NUTF2: variants seen among roughly 807,000 people sequenced by gnomAD.
The protein encoded by NUTF2 is placental protein 15.
In NUTF2, 3 loss-of-function variants were observed where a neutral mutation model predicts 18.5. That is an observed-to-expected ratio of 0.16 (90% CI 0.07 to 0.42). The LOEUF (loss-of-function observed/expected upper bound fraction) is 0.42. Ranked by LOEUF, NUTF2 falls within the 10% of genes least tolerant of loss-of-function variation. The probability of loss-of-function intolerance (pLI) is 0.99; values close to 1 mark genes in which losing one functional copy is unlikely to be tolerated. For missense variants in NUTF2, 44 were observed against 160.7 expected (o/e 0.27, Z 3.93); for synonymous variants, 51 against 57.9 (o/e 0.88, Z 0.54).
At chr16:67,855,152 T>G (rs1413024315) in intron 1 of NUTF2, among the ~76,000 whole-genome samples, 2 of 152,210 alleles carry the variant, frequency 1.3e-5, no homozygotes, top group Non-Finnish European at 2.9e-5. Context: ...TGGCAGGAAT[T>G]CTTGAGTCCC....
chr16:67,855,582 G>C (rs1380771452), intron 1 of NUTF2, among the ~76,000 whole-genome samples: 1 of 152,132 alleles, frequency 6.6e-6, no homozygotes, highest in Non-Finnish European at 1.5e-5. Context: ...TAAACTGGGG[G>C]AATTTTGGAA....
chr16:67,865,538 G>A (rs1205975688), intron 2 of NUTF2, among the ~76,000 whole-genome samples: 2 of 152,158 alleles, frequency 1.3e-5, no homozygotes, highest in African/African-American at 4.8e-5. Flanking sequence ...GGCTCATGGT[G>A]CCCTCTGGAG....
At chr16:67,863,672 C>T (rs1222460976) in intron 1 of NUTF2, among the ~76,000 whole-genome samples, 1 of 152,318 alleles carries the variant, frequency 6.6e-6, no homozygotes, top group East Asian at 1.9e-4. Context: ...CCCACCACTG[C>T]GAATGCTTGT....
In NUTF2 at chr16:67,865,107, C is replaced by T. The variant is rs759032643; in HGVS notation, c.-24C>T. On this transcript the variant is annotated 5_prime_UTR_variant, in exon 2 of 5. Coordinates refer to ENST00000219169, the MANE Select transcript of NUTF2 (RefSeq NM_005796.3). ...TGGTCTCATTGGTCTTGCAGGTCTC[C>T]GTGAGGCCGGGTGACGCTCCAGAAT... 1.0e-5 allele frequency: 16 copies of T among 1,566,212 alleles called. No homozygotes were observed. The highest frequency in any genetic ancestry group is 2.7e-5 in the African/African-American group (2 of 73,878).
intron 1 of NUTF2, among the ~76,000 whole-genome samples, chr16:67,860,234 C>T (rs2057926463): frequency 6.6e-6 from 1 of 152,174 alleles, no homozygotes; most frequent in Admixed American, 6.5e-5. Context: ...CCACCTTGGC[C>T]TCCCAAAGTG....
intron 2 of NUTF2, among the ~76,000 whole-genome samples, chr16:67,865,778 G>A (rs965906842): frequency 6.6e-6 from 1 of 150,668 alleles, no homozygotes; most frequent in Admixed American, 6.6e-5. Flanking sequence ...GAGTGCAATG[G>A]CTCGATCTCA....
At chr16:67,850,077 C>T (rs1217549070) in intron 1 of NUTF2, among the ~76,000 whole-genome samples, 3 of 152,160 alleles carry the variant, frequency 2.0e-5, no homozygotes. Context: ...CAGATGTGAA[C>T]AATTGCCCAG....
At chr16:67,857,908 G>A (rs1264380919) in intron 1 of NUTF2, among the ~76,000 whole-genome samples, 1 of 152,248 alleles carries the variant, frequency 6.6e-6, no homozygotes, top group African/African-American at 2.4e-5. Flanking sequence ...GGCCACTTGA[G>A]TGGAGTTTGC....
chr16:67,870,561 G>A, intron 4 of NUTF2: 4 of 521,352 alleles, frequency 7.7e-6, no homozygotes, highest in South Asian at 7.0e-5. Flanking sequence ...TTATTGTGCA[G>A]TTTAAGCACA....
chr16:67,868,646 G>C, intron 4 of NUTF2, 47 bp downstream of exon 4: 1 of 1,550,898 alleles, frequency 6.4e-7, no homozygotes. Context: ...AGGCAGAGGA[G>C]AGTCTTGTAC....
intron 2 of NUTF2, 81 bp from the exon 3 acceptor site, chr16:67,868,259 C>A: frequency 7.7e-7 from 1 of 1,292,146 alleles, no homozygotes; most frequent in Non-Finnish European, 1.1e-6. Context: ...CCAAGCAAGG[C>A]CCTTTTCAGA....
chr16:67,850,596 G>A (rs1197864185), intron 1 of NUTF2, among the ~76,000 whole-genome samples: 4 of 152,144 alleles, frequency 2.6e-5, no homozygotes, highest in Admixed American at 1.3e-4. Flanking sequence ...AACTTGGCGG[G>A]CCATCTAGGT....
At chr16:67,855,452 G>T (rs1343433102) in intron 1 of NUTF2, among the ~76,000 whole-genome samples, 1 of 152,180 alleles carries the variant, frequency 6.6e-6, no homozygotes, top group Non-Finnish European at 1.5e-5. Context: ...TACCTGCTGT[G>T]TGCCAGCTCC....
intron 3 of NUTF2, 40 bp downstream of exon 3, chr16:67,868,451 C>T (rs2057989468): frequency 6.2e-7 from 1 of 1,613,426 alleles, no homozygotes; most frequent in African/African-American, 1.3e-5. Context: ...TGGCTCCTTT[C>T]CCACCCCTTC....
intron 1 of NUTF2, among the ~76,000 whole-genome samples, chr16:67,849,530 AG>A (rs1220046851): frequency 6.6e-6 from 1 of 151,152 alleles, no homozygotes; most frequent in East Asian, 1.9e-4. Context: ...TTAGTAGAGA[AG>A]GGGTTTCACC....
chr16:67,854,764 T>C (rs530113227), intron 1 of NUTF2, among the ~76,000 whole-genome samples: 215 of 152,272 alleles, frequency 1.4e-3, no homozygotes, highest in Non-Finnish European at 2.4e-3. Flanking sequence ...CTGGCCAATA[T>C]GGCAAAACCC....
At chr16:67,859,312 C>T (rs1016384675) in intron 1 of NUTF2, among the ~76,000 whole-genome samples, 16 of 149,886 alleles carry the variant, frequency 1.1e-4, no homozygotes, top group Admixed American at 6.0e-4. Flanking sequence ...CCCAAGTAGC[C>T]GGGATTACAG....
At chr16:67,866,311 T>G (rs1350961692) in intron 2 of NUTF2, among the ~76,000 whole-genome samples, 1 of 151,292 alleles carries the variant, frequency 6.6e-6, no homozygotes, top group Non-Finnish European at 1.5e-5. Flanking sequence ...GTAGAGTTTT[T>G]TTTTTTTTTT....
chr16:67,860,998 G>A (rs979170674), intron 1 of NUTF2, among the ~76,000 whole-genome samples: 6 of 152,238 alleles, frequency 3.9e-5, no homozygotes, highest in Non-Finnish European at 8.8e-5. Flanking sequence ...TTTGGAGGTG[G>A]AAGCCCTGGT....
Sources: allele counts gnomAD v4.1 joint callset (sites outside exome capture counted in the v4.1 genomes callset), GRCh38; gene constraint gnomAD v4.1.1; transcripts MANE v1.5; gene names NCBI Gene and HGNC (gene_info 2026-07-23, HGNC 2026-07-21).